GLOD4: variants seen among roughly 807,000 people sequenced by gnomAD.
GLOD4 encodes the protein glyoxalase domain containing 4, also known as glyoxalase domain-containing protein 4.
Under a neutral mutation model 39.1 loss-of-function variants are expected in GLOD4, and 44 were observed. The observed-to-expected ratio is 1.13, with a 90% CI of 0.88 to 1.45. GLOD4 has a LOEUF of 1.45. Among genes scored for constraint, GLOD4 ranks in the 40% most tolerant of loss-of-function variants. GLOD4 has a pLI of 0.00. For missense variants in GLOD4, 405 were observed against 366.4 expected (o/e 1.11, Z -0.86); for synonymous variants, 145 against 135.0 (o/e 1.07, Z -0.52).
intron 2 of GLOD4, chr17:777,318 C>T: frequency 3.5e-6 from 1 of 288,192 alleles, no homozygotes; most frequent in Non-Finnish European, 6.7e-6. Flanking sequence ...CCTAATAGGC[C>T]TTGGACTGTT....
intron 8 of GLOD4, among the ~76,000 whole-genome samples, chr17:765,910 C>T (rs569500776): frequency 2.2e-4 from 33 of 151,812 alleles, no homozygotes; most frequent in Non-Finnish European, 4.6e-4. Context: ...GACCTGAGAT[C>T]GCGCCACTGC....
upstream of GLOD4, among the ~76,000 whole-genome samples, chr17:785,860 AT>A (rs1910507670): frequency 6.6e-6 from 1 of 152,210 alleles, no homozygotes; most frequent in African/African-American, 2.4e-5. Flanking sequence ...CCTATAAACT[AT>A]TTTTTAAAAG....
At chr17:771,727 G>C (rs1296329594) in intron 4 of GLOD4, among the ~76,000 whole-genome samples, 3 of 152,178 alleles carry the variant, frequency 2.0e-5, no homozygotes, top group Non-Finnish European at 4.4e-5. Context: ...AAAATTGGCT[G>C]GGTGTGGTGG....
At chr17:760,894 C>G (rs1294894844) in intron 8 of GLOD4, among the ~76,000 whole-genome samples, 1 of 152,148 alleles carries the variant, frequency 6.6e-6, no homozygotes, top group Non-Finnish European at 1.5e-5. Context: ...CGAGTTCAGC[C>G]TGTGTAACAG....
intron 4 of GLOD4, among the ~76,000 whole-genome samples, chr17:772,764 G>C (rs561704820): frequency 4.3e-4 from 66 of 152,318 alleles, no homozygotes; most frequent in African/African-American, 1.5e-3. Context: ...GGGAGGCTGA[G>C]GTGGCAGGAT....
At chr17:774,176 C>T (rs1314221865) in intron 4 of GLOD4, among the ~76,000 whole-genome samples, 1 of 152,190 alleles carries the variant, frequency 6.6e-6, no homozygotes, top group African/African-American at 2.4e-5. Context: ...CACCATCTCT[C>T]CACGAGTCCC....
chr17:773,717 T>G (rs1244382864), intron 4 of GLOD4, among the ~76,000 whole-genome samples: 1 of 152,242 alleles, frequency 6.6e-6, no homozygotes, highest in Admixed American at 6.5e-5. Context: ...TAGTCCTGTT[T>G]GCTAGAACAG....
chr17:768,406 G>A (rs1055241530), intron 8 of GLOD4, among the ~76,000 whole-genome samples: 6 of 144,376 alleles, frequency 4.2e-5, no homozygotes, highest in South Asian at 2.2e-4. Flanking sequence ...GAGAAACAGC[G>A]CGCGCTCAGA....
At chr17:780,946 G>C (rs1909832893) in intron 1 of GLOD4, among the ~76,000 whole-genome samples, 1 of 135,542 alleles carries the variant, frequency 7.4e-6, no homozygotes, top group Non-Finnish European at 1.6e-5. Context: ...TTGAGACGGA[G>C]TTTTGCTTTC....
rs1182824253 is a variant in GLOD4, at chr17:769,941, A to T, written c.759T>A (p.Ile253=). The part of the protein sequence containing the change: ...VILADPDGHE[I]CFVGDEAFRE... ...GAAATGCTTCATCCCCGACAAAGCA[A>T]ATTTCATGTCCGTCCTACACCAATA... Residue 253 remains isoleucine (I), a synonymous_variant, in exon 8 of 9, where the codon ATT becomes ATA. Transcript: ENST00000301329. 6.2e-7 allele frequency: 1 copy of T among 1,610,182 alleles called. No individual in the cohort carries two copies. Among genetic ancestry groups the T allele is most frequent in the African/African-American group, 1.3e-5 (1 of 74,814 alleles).
At position 775,822 on chromosome 17, in the gene GLOD4, G is replaced by A. The variant is rs779824839; in HGVS notation, c.359C>T (p.Pro120Leu). 33 of 1,613,408 alleles carry A rather than the reference G, an allele frequency of 2.0e-5. 1 individual carries two copies. The highest frequency in any genetic ancestry group is 1.3e-4 in the South Asian group (12 of 91,060). Residue 120 changes from proline to leucine, a missense_variant, in exon 4 of 9, where the codon CCG becomes CTG. Coordinates refer to ENST00000301329, the MANE Select transcript of GLOD4 (RefSeq NM_016080.4). The stretch of plus-strand genomic sequence containing the variant: ...CTGCAAATAGAACTTATATCCTCCC[G>A]GGGCCTCGGTTTCAAAAACACCTTC... ...VAEGVFETEAPGGYKFYLQNR... is the reference protein window; with the variant it reads ...VAEGVFETEALGGYKFYLQNR...
At position 769,878 on chromosome 17, in the gene GLOD4, C is replaced by A; in HGVS notation, c.822G>T (p.Leu274Phe). Residue 274 changes from leucine to phenylalanine, a missense_variant, in exon 8 of 9, where the codon TTG becomes TTT. Leu to Phe is a conservative substitution (Grantham distance 22). Transcript: ENST00000301329. ...LSKMDPEGSK[L>F]LDDAMAADKS... ...TAGAAATGGGACTCACATCATCCAA[C>A]AATTTGCTTCCCTCTGGATCCATCT... The A allele has an allele frequency of 5.7e-6, 9 of 1,585,020 alleles. No individual in the cohort carries two copies. The highest frequency in any genetic ancestry group is 7.8e-6 in the Non-Finnish European group (9 of 1,153,380).
At chr17:770,563 T>A in intron 5 of GLOD4, 56 bp from the exon 6 acceptor site, 1 of 822,686 alleles carries the variant, frequency 1.2e-6, no homozygotes, top group South Asian at 1.3e-5. Flanking sequence ...ATTACACGTA[T>A]GTGGTAGAAA....
At chr17:761,344 A>G in intron 8 of GLOD4, among the ~76,000 whole-genome samples, 1 of 152,198 alleles carries the variant, frequency 6.6e-6, no homozygotes, top group East Asian at 1.9e-4. Flanking sequence ...TTTCTAAAAA[A>G]TCTTAGTACT....
At chr17:768,144 G>T (rs1390962328) in intron 8 of GLOD4, among the ~76,000 whole-genome samples, 1 of 149,594 alleles carries the variant, frequency 6.7e-6, no homozygotes, top group South Asian at 2.1e-4. Flanking sequence ...CAGATTTTTA[G>T]AAGAAATCTG....
intron 8 of GLOD4, among the ~76,000 whole-genome samples, chr17:766,558 T>C (rs1343050126): frequency 6.6e-6 from 1 of 151,746 alleles, no homozygotes; most frequent in Non-Finnish European, 1.5e-5. Flanking sequence ...ATTATGCCAC[T>C]GCACTCCAGC....
At position 771,358 on chromosome 17, in the gene GLOD4, C is replaced by T; in HGVS notation, c.510G>A (p.Lys170=). 1 of 1,605,274 alleles carries T rather than the reference C, an allele frequency of 6.2e-7. No individual in the cohort carries two copies. Among genetic ancestry groups the T allele is most frequent in the Non-Finnish European group, 8.5e-7 (1 of 1,174,420 alleles). ...CAGCATAGCCCAGCAAAGCCCTTTG[C>T]TTTTCTTCATCTTTTTCATAAATTT... ...GMKIYEKDEE[K]QRALLGYADN... The change falls in exon 5 of 9, where the codon AAG becomes AAA. Residue 170 remains lysine (K), a synonymous_variant. Coordinates refer to ENST00000301329, the MANE Select transcript of GLOD4 (RefSeq NM_016080.4).
chr17:772,441 A>G (rs1908140164), intron 4 of GLOD4, among the ~76,000 whole-genome samples: 1 of 152,088 alleles, frequency 6.6e-6, no homozygotes, highest in Non-Finnish European at 1.5e-5. Context: ...AGATAGAAAA[A>G]CTATGAAGAA....
intron 8 of GLOD4, among the ~76,000 whole-genome samples, chr17:762,269 A>G (rs1905590862): frequency 6.6e-6 from 1 of 152,270 alleles, no homozygotes; most frequent in Non-Finnish European, 1.5e-5. Context: ...TTAAAAAACA[A>G]AACACAACAA....
Sources: allele counts gnomAD v4.1 joint callset (sites outside exome capture counted in the v4.1 genomes callset), GRCh38; gene constraint gnomAD v4.1.1; transcripts MANE v1.5; gene names NCBI Gene and HGNC (gene_info 2026-07-23, HGNC 2026-07-21).